LRP1B: variants seen among roughly 807,000 people sequenced by gnomAD.
The protein encoded by LRP1B is low-density lipoprotein receptor-related protein 1B.
In LRP1B, 217 loss-of-function variants were observed where a neutral mutation model predicts 556.6. The ratio of observed to expected loss-of-function variants is 0.39; its 90% confidence interval spans 0.35 to 0.44. The LOEUF (loss-of-function observed/expected upper bound fraction) is 0.44, where lower values mean the gene tolerates loss of function less well. Ranked by LOEUF, LRP1B falls within the 20% of genes least tolerant of loss-of-function variation. LRP1B has a pLI of 1.00. For missense variants in LRP1B, 5,053 were observed against 5,620.8 expected (o/e 0.90, Z 3.23); for synonymous variants, 2,047 against 1,865.8 (o/e 1.10, Z -2.50).
At chr2:140,782,502 T>A (rs1459816253) in intron 32 of LRP1B, among the ~76,000 whole-genome samples, 2 of 152,090 alleles carry the variant, frequency 1.3e-5, no homozygotes, top group African/African-American at 2.4e-5. Flanking sequence ...AATCCTGCCC[T>A]GCCAACACCT....
Position 141,347,884 on chromosome 2 carries a change from A to T in LRP1B, c.344-93243T>A, listed in dbSNP as rs115969120. Among the ~76,000 whole-genome samples the T allele has an allele frequency of 8.1e-3, 1,227 of 152,170 alleles. 24 individuals are homozygous for T. Among genetic ancestry groups the T allele is most frequent in the African/African-American group, 0.028 (1,142 of 41,490 alleles). ...AAAAATTTCAAATTATTACCCTGAA[A>T]CCTTAATCTTTCAAAAGTTGAATGG... On this transcript the variant is annotated intron_variant, in intron 3 of 90. Coordinates refer to ENST00000389484, the MANE Select transcript of LRP1B (RefSeq NM_018557.3).
intron 6 of LRP1B, among the ~76,000 whole-genome samples, chr2:141,218,227 G>A (rs1250060510): frequency 6.6e-6 from 1 of 152,136 alleles, no homozygotes; most frequent in Admixed American, 6.5e-5. Flanking sequence ...ACAGTTTTGA[G>A]ATTTCTCAAA....
At chr2:141,502,129 G>C (rs1683737705) in intron 2 of LRP1B, among the ~76,000 whole-genome samples, 1 of 152,144 alleles carries the variant, frequency 6.6e-6, no homozygotes, top group African/African-American at 2.4e-5. Context: ...TGCCTAGCTG[G>C]GGAGTCCATT....
chr2:141,193,432 G>A (rs189634768), intron 6 of LRP1B, among the ~76,000 whole-genome samples: 1 of 152,140 alleles, frequency 6.6e-6, no homozygotes, highest in Admixed American at 6.6e-5. Context: ...ATGAGATTAT[G>A]TTGTTTGCAG....
intron 3 of LRP1B, among the ~76,000 whole-genome samples, chr2:141,367,182 T>C (rs1689070317): frequency 6.6e-6 from 1 of 152,192 alleles, no homozygotes; most frequent in African/African-American, 2.4e-5. Flanking sequence ...ACTTCCTTAT[T>C]TATAGTTAAC....
intron 7 of LRP1B, among the ~76,000 whole-genome samples, chr2:141,182,745 C>T (rs1184935849): frequency 1.3e-5 from 2 of 151,608 alleles, no homozygotes; most frequent in East Asian, 1.9e-4. Flanking sequence ...TGGGGATGTG[C>T]ATCTGATTGT....
chr2:140,455,371 G>C (rs1374388215), intron 62 of LRP1B, among the ~76,000 whole-genome samples: 1 of 152,082 alleles, frequency 6.6e-6, no homozygotes, highest in Non-Finnish European at 1.5e-5. Context: ...GCAGTATAGG[G>C]CAAGAGTAAT....
At chr2:140,988,783 C>T (rs1544963) in intron 17 of LRP1B, among the ~76,000 whole-genome samples, 52,819 of 151,884 alleles carry the variant, frequency 0.35, 9,596 homozygotes, top group East Asian at 0.58. Flanking sequence ...TGATGTTGCT[C>T]TATATAATGG....
In LRP1B at chr2:142,130,929, T is replaced by C. The variant is rs1362492341; in HGVS notation, c.-200A>G. Reference sequence around the variant, plus strand: ...GAGCAGGATGTGGAAGGTGGAGGGATGCGCGCGTGCGGGAGAGAGGAGGCA... The same window carrying C: ...GAGCAGGATGTGGAAGGTGGAGGGACGCGCGCGTGCGGGAGAGAGGAGGCA... On this transcript the variant is annotated 5_prime_UTR_variant, in exon 1 of 91. Transcript: ENST00000389484. 2 of 615,778 alleles carry C rather than the reference T, an allele frequency of 3.2e-6. No individual in the cohort carries two copies. The highest frequency in any genetic ancestry group is 5.8e-6 in the Non-Finnish European group (2 of 342,746). The allele number at this position is 615,778 out of a possible 1,614,324, so 38.1% of individuals were successfully genotyped here. A position where few individuals can be genotyped will look rare whatever the true frequency, so the allele number is the denominator to read the frequency against.
chr2:141,453,912 C>CA (rs1355287603), intron 3 of LRP1B, among the ~76,000 whole-genome samples: 1,675 of 100,176 alleles, frequency 0.017, 36 homozygotes, highest in African/African-American at 0.055. Context: ...GACTCTGTCT[C>CA]AAAAAAAAAA....
Position 141,639,361 on chromosome 2 carries a change from CACATATATATATAT to C in LRP1B, c.206-158842_206-158829del, listed in dbSNP as rs1574177532. 9.1e-5 allele frequency among the ~76,000 whole-genome samples: 6 copies of C among 65,634 alleles called. No individual in the cohort carries two copies. In the East Asian group the frequency reaches 1.1e-3, roughly 12 times the overall value. 43.1% of individuals were successfully genotyped at this position (65,634 alleles called of 152,430 possible). ...ATATATATATATATACACACACACA[CACATATATATATAT>C]ACACATATATATATACACATATATA... On this transcript the variant is annotated intron_variant, in intron 2 of 90. Transcript: ENST00000389484.
chr2:141,130,424 A>G (rs937836902), intron 7 of LRP1B, among the ~76,000 whole-genome samples: 1 of 152,150 alleles, frequency 6.6e-6, no homozygotes, highest in African/African-American at 2.4e-5. Flanking sequence ...GTTAACACAG[A>G]CATTTGACAT....
At chr2:141,378,258 C>A (rs1689509874) in intron 3 of LRP1B, among the ~76,000 whole-genome samples, 1 of 152,122 alleles carries the variant, frequency 6.6e-6, no homozygotes, top group African/African-American at 2.4e-5. Flanking sequence ...CAGGAGTTAA[C>A]AGAGCTGCCT....
chr2:140,390,157 G>A (rs1283901732), intron 66 of LRP1B, among the ~76,000 whole-genome samples: 1 of 151,820 alleles, frequency 6.6e-6, no homozygotes, highest in Non-Finnish European at 1.5e-5. Context: ...AAAAAAAATG[G>A]AAATGCAAAG....
chr2:140,340,626 T>C (rs1573816568), intron 77 of LRP1B, among the ~76,000 whole-genome samples: 1 of 151,336 alleles, frequency 6.6e-6, no homozygotes, highest in East Asian at 2.0e-4. Flanking sequence ...AGTAAACCTG[T>C]CAAAACGATT....
intron 5 of LRP1B, among the ~76,000 whole-genome samples, chr2:141,235,337 T>C (rs972906937): frequency 1.3e-5 from 2 of 152,088 alleles, no homozygotes; most frequent in Admixed American, 6.6e-5. Flanking sequence ...TCAAGAACGA[T>C]ACAATCAAGT....
intron 35 of LRP1B, among the ~76,000 whole-genome samples, 188 bp downstream of exon 35, chr2:140,769,025 T>C (rs995902050): frequency 1.5e-5 from 1 of 65,252 alleles, no homozygotes; most frequent in African/African-American, 3.9e-5. Flanking sequence ...AGGACGATTT[T>C]ACTTGATTTT....
intron 23 of LRP1B, chr2:140,898,652 AAT>A: frequency 2.3e-6 from 1 of 430,408 alleles, no homozygotes; most frequent in Non-Finnish European, 4.6e-6. Context: ...TGGTCTGCCT[AAT>A]GAGATTATGC....
At chr2:140,305,520 TG>T (rs1684029006) in intron 83 of LRP1B, among the ~76,000 whole-genome samples, 1 of 152,232 alleles carries the variant, frequency 6.6e-6, no homozygotes, top group Non-Finnish European at 1.5e-5. Context: ...GAGACTTTGC[TG>T]AAGTTGCTTA....
Sources: allele counts gnomAD v4.1 joint callset (sites outside exome capture counted in the v4.1 genomes callset), GRCh38; gene constraint gnomAD v4.1.1; transcripts MANE v1.5; gene names NCBI Gene and HGNC (gene_info 2026-07-23, HGNC 2026-07-21).